Variants in LRCH1 observed in about 807,000 individuals in gnomAD.
LRCH1 encodes the protein leucine-rich repeat and calponin homology domain-containing protein 1.
In LRCH1, 23 loss-of-function variants were observed where a neutral mutation model predicts 94.9. That is an observed-to-expected ratio of 0.24 (90% confidence interval 0.17 to 0.34). The LOEUF is 0.34. Ranked by LOEUF, LRCH1 falls within the 10% of genes least tolerant of loss-of-function variation. The pLI is 1.00. For synonymous variants in LRCH1, 364 were observed against 354.9 expected, an observed-to-expected ratio of 1.03 and a Z score of -0.29; for missense variants, 790 against 945.9, an observed-to-expected ratio of 0.84 and a Z score of 2.16.
intron 1 of LRCH1, among the ~76,000 whole-genome samples, chr13:46,646,543 G>A (rs1349886204): frequency 6.6e-6 from 1 of 152,088 alleles, no homozygotes; most frequent in African/African-American, 2.4e-5. Context: ...TATATGCACT[G>A]TCCTGCAACT....
At chr13:46,687,664 A>C (rs527981365) in intron 5 of LRCH1, among the ~76,000 whole-genome samples, 188 bp from the exon 6 acceptor site, 4 of 152,362 alleles carry the variant, frequency 2.6e-5, no homozygotes, top group African/African-American at 7.2e-5. Flanking sequence ...TTTCTATTCA[A>C]AGTAGAATTT....
chr13:46,720,103 T>C (rs1490225424), intron 16 of LRCH1, among the ~76,000 whole-genome samples: 1 of 152,098 alleles, frequency 6.6e-6, no homozygotes, highest in Non-Finnish European at 1.5e-5. Flanking sequence ...ATTGCCTACC[T>C]TGGCCAGGCA....
intron 13 of LRCH1, among the ~76,000 whole-genome samples, chr13:46,711,069 GT>G (rs1872037337): frequency 6.6e-6 from 1 of 152,080 alleles, no homozygotes; most frequent in Non-Finnish European, 1.5e-5. Flanking sequence ...GTTCCCCTCT[GT>G]ACCCCAGTAT....
intron 1 of LRCH1, among the ~76,000 whole-genome samples, chr13:46,628,676 A>C (rs928688040): frequency 6.6e-6 from 1 of 151,662 alleles, no homozygotes; most frequent in Non-Finnish European, 1.5e-5. Context: ...AAAAAAAAAA[A>C]AAACACAAGG....
chr13:46,683,117 A>G (rs1013413874), intron 4 of LRCH1, among the ~76,000 whole-genome samples: 1 of 152,216 alleles, frequency 6.6e-6, no homozygotes, highest in African/African-American at 2.4e-5. Flanking sequence ...AAAACCCTGT[A>G]GTACTTGGAA....
intron 2 of LRCH1, among the ~76,000 whole-genome samples, chr13:46,665,059 A>T (rs1281021322): frequency 4.6e-5 from 7 of 152,332 alleles, no homozygotes; most frequent in Admixed American, 6.5e-5. Flanking sequence ...AAATTTTTCT[A>T]TAAATTATTT....
In LRCH1 at chr13:46,692,554, G is replaced by A. The variant is rs1174340776; in HGVS notation, c.1033G>A (p.Val345Ile). Residue 345 changes from valine (V) to isoleucine (I), a missense_variant, in exon 8 of 20, where the codon GTT becomes ATT. By Grantham distance (29) the Val-to-Ile change is conservative (BLOSUM62 3). Around this residue, in one of 3 missense-constraint regions of LRCH1, gnomAD observed 194 missense variants for 293.5 expected, o/e 0.66. Transcript: ENST00000389797. ...SATEPSDEDT[V>I]SLNVPMSNIM... ...TTTTTAGCCTTCTGACGAAGACACT[G>A]TTAGCCTCAATGTGCCAATGTCAAA... The A allele has an allele frequency of 6.2e-7, 1 of 1,613,878 alleles. No homozygotes were observed. Among genetic ancestry groups the A allele is most frequent in the Non-Finnish European group, 8.5e-7 (1 of 1,179,804 alleles).
At chr13:46,647,962 C>T (rs1006106819) in intron 1 of LRCH1, among the ~76,000 whole-genome samples, 52 of 152,016 alleles carry the variant, frequency 3.4e-4, no homozygotes, top group African/African-American at 1.2e-3. Context: ...TTCCCCAGAC[C>T]GGGGTGGGGG....
At chr13:46,578,608 T>C (rs1217932906) in intron 1 of LRCH1, among the ~76,000 whole-genome samples, 1 of 152,220 alleles carries the variant, frequency 6.6e-6, no homozygotes, top group Non-Finnish European at 1.5e-5. Context: ...ATTTCTGTTT[T>C]TCAATTCCCT....
At chr13:46,618,188 A>G (rs1223271649) in intron 1 of LRCH1, among the ~76,000 whole-genome samples, 1 of 152,178 alleles carries the variant, frequency 6.6e-6, no homozygotes, top group Admixed American at 6.5e-5. Context: ...ACAAACCCGC[A>G]TGGCATGTTA....
intron 15 of LRCH1, among the ~76,000 whole-genome samples, chr13:46,713,369 T>A (rs529211560): frequency 6.6e-6 from 1 of 152,340 alleles, no homozygotes; most frequent in Admixed American, 6.5e-5. Flanking sequence ...TTCAGACGCT[T>A]TTAAATAAGA....
chr13:46,638,509 C>T (rs1357852613), intron 1 of LRCH1, among the ~76,000 whole-genome samples: 1 of 152,160 alleles, frequency 6.6e-6, no homozygotes, highest in Non-Finnish European at 1.5e-5. Context: ...CTGCTGCCTT[C>T]ATTCTACTTT....
chr13:46,704,094 T>A (rs1871628264), intron 11 of LRCH1, among the ~76,000 whole-genome samples: 1 of 152,156 alleles, frequency 6.6e-6, no homozygotes, highest in African/African-American at 2.4e-5. Flanking sequence ...ATCATTGTTA[T>A]TTATCCTGAA....
In LRCH1 at chr13:46,742,764, G is replaced by A; in HGVS notation, c.*916G>A. The A allele has an allele frequency of 1.0e-6, 1 of 985,430 alleles. No homozygotes were observed. Among genetic ancestry groups the A allele is most frequent in the Non-Finnish European group, 1.2e-6 (1 of 829,926 alleles). The allele number at this position is 985,430 out of a possible 1,614,324, so 61.0% of individuals were successfully genotyped here. A position where few individuals can be genotyped will look rare whatever the true frequency, so the allele number is the denominator to read the frequency against. ...TCGACTCTATTCATTTTCAAATAAAGCCATGAGCCGTGGAACATTCTTGGT... is the reference window on the plus strand; with the variant it reads ...TCGACTCTATTCATTTTCAAATAAAACCATGAGCCGTGGAACATTCTTGGT... On this transcript the variant is annotated 3_prime_UTR_variant, in exon 20 of 20. Coordinates refer to ENST00000389797, the MANE Select transcript of LRCH1 (RefSeq NM_001164211.2).
intron 1 of LRCH1, among the ~76,000 whole-genome samples, chr13:46,582,655 T>TTTTTTTTTTTTTTTG (rs2050384997): frequency 1.0e-5 from 1 of 98,230 alleles, no homozygotes; most frequent in African/African-American, 3.7e-5. Context: ...CAGCTTTTTT[T>TTTTTTTTTTTTTTTG]TTTTTTTTTT....
At chr13:46,661,077 C>A (rs2051441884) in intron 2 of LRCH1, among the ~76,000 whole-genome samples, 1 of 152,168 alleles carries the variant, frequency 6.6e-6, no homozygotes, top group Non-Finnish European at 1.5e-5. Flanking sequence ...TTCAGTATCT[C>A]ATTGCCTCGT....
At chr13:46,698,337 G>C (rs1274373776) in intron 9 of LRCH1, among the ~76,000 whole-genome samples, 4 of 152,202 alleles carry the variant, frequency 2.6e-5, no homozygotes, top group African/African-American at 9.7e-5. Flanking sequence ...CATGAGCTGG[G>C]TTAAAGCAGC....
intron 16 of LRCH1, among the ~76,000 whole-genome samples, chr13:46,722,681 T>C (rs905888252): frequency 6.6e-6 from 1 of 152,238 alleles, no homozygotes; most frequent in Non-Finnish European, 1.5e-5. Context: ...ACTTTTTAGA[T>C]AGTCTGCCAG....
intron 9 of LRCH1, among the ~76,000 whole-genome samples, chr13:46,699,000 C>T (rs953562254): frequency 6.6e-6 from 1 of 152,212 alleles, no homozygotes; most frequent in Non-Finnish European, 1.5e-5. Context: ...TGCTTTCTGT[C>T]TGGATGAATT....
Sources: allele counts gnomAD v4.1 joint callset (sites outside exome capture counted in the v4.1 genomes callset), GRCh38; gene constraint gnomAD v4.1.1; regional missense constraint gnomAD v4.1.1; transcripts MANE v1.5; gene names NCBI Gene and HGNC (gene_info 2026-07-23, HGNC 2026-07-21).